The following HPRT1 variants were observed in gnomAD, a reference collection of about 807,000 sequenced individuals.
HPRT1 encodes the protein hypoxanthine-guanine phosphoribosyltransferase.
In HPRT1, 4 loss-of-function variants were observed where a neutral mutation model predicts 19.0. That is an observed-to-expected ratio of 0.21 (90% confidence interval 0.10 to 0.48). The LOEUF is 0.48. HPRT1 is among the 20% of genes least tolerant of loss of function. The pLI is 0.98. For missense variants in HPRT1, 65 were observed against 164.0 expected (o/e 0.40, Z 3.30); for synonymous variants, 53 against 54.9 (o/e 0.97, Z 0.15).
chrX:134,466,430 A>G (rs1392164251), intron 1 of HPRT1, among the ~76,000 whole-genome samples: 2 of 108,367 alleles, frequency 1.8e-5, no homozygotes, highest in Non-Finnish European at 3.8e-5. Flanking sequence ...AAAAGAAAAA[A>G]AAAAAAAAAG....
Position 134,497,817 on chromosome X carries a change from G to T in HPRT1, c.486-573G>T, listed in dbSNP as rs751404537. Among the ~76,000 whole-genome samples the T allele has an allele frequency of 7.4e-5, 8 of 107,395 alleles. No homozygotes were observed. The South Asian group carries it at 2.5e-3, about 33-fold the overall frequency. 93.3% of individuals were successfully genotyped at this position (107,395 alleles called of 115,157 possible). A position where few individuals can be genotyped will look rare whatever the true frequency, so the allele number is the denominator to read the frequency against. On this transcript the variant is annotated intron_variant, in intron 6 of 8. Transcript: ENST00000298556. ...AAAAAATTAGCCGGGAGTGCTGGCG[G>T]GTGCCTGTAGTCCCAGCTACTCAGG...
chrX:134,465,018 T>G (rs1353243408), intron 1 of HPRT1, among the ~76,000 whole-genome samples: 1 of 109,675 alleles, frequency 9.1e-6, no homozygotes, highest in Non-Finnish European at 1.9e-5. Flanking sequence ...CCTCCTGGGT[T>G]CTAGCAATTC....
intron 1 of HPRT1, among the ~76,000 whole-genome samples, chrX:134,463,815 A>C (rs1163687277): frequency 4.5e-5 from 5 of 111,480 alleles, no homozygotes; most frequent in Non-Finnish European, 7.5e-5. Flanking sequence ...GACTTGATAA[A>C]ATTTATGTGT....
chrX:134,497,494 C>T (rs1272609723), intron 6 of HPRT1, among the ~76,000 whole-genome samples: 2 of 109,487 alleles, frequency 1.8e-5, no homozygotes, highest in Non-Finnish European at 1.9e-5. Context: ...ATTAGCCGGG[C>T]GTGGTGGCAC....
chrX:134,477,609 G>A (rs937651973), intron 3 of HPRT1, among the ~76,000 whole-genome samples: 1 of 110,075 alleles, frequency 9.1e-6, no homozygotes, highest in Non-Finnish European at 1.9e-5. Context: ...CCAGGGGTTC[G>A]AGACCAGCCT....
chrX:134,491,935 A>G (rs2077667630), intron 5 of HPRT1, among the ~76,000 whole-genome samples: 2 of 100,549 alleles, frequency 2.0e-5, no homozygotes, highest in African/African-American at 3.6e-5. Flanking sequence ...GTATGTATAT[A>G]TGTGTGTGTG....
At chrX:134,496,162 A>G (rs746914429) in intron 6 of HPRT1, among the ~76,000 whole-genome samples, 13 of 111,920 alleles carry the variant, frequency 1.2e-4, no homozygotes, top group Non-Finnish European at 3.8e-5. Flanking sequence ...TTGCCCGACT[A>G]TTTAACAAGG....
intron 1 of HPRT1, 141 bp downstream of exon 1, chrX:134,460,479 G>C (rs1011460283): frequency 7.4e-5 from 31 of 418,885 alleles, no homozygotes; most frequent in Non-Finnish European, 1.0e-4. Flanking sequence ...CCAGTTTCCC[G>C]GGTTCGGCTT....
At chrX:134,471,846 C>T (rs2077611214) in intron 1 of HPRT1, among the ~76,000 whole-genome samples, 1 of 111,408 alleles carries the variant, frequency 9.0e-6, no homozygotes, top group African/African-American at 3.3e-5. Context: ...ACCATGTTGG[C>T]CAGGCTGGTC....
chrX:134,480,790 A>AAT (rs1479862903), intron 3 of HPRT1, among the ~76,000 whole-genome samples: 9 of 94,098 alleles, frequency 9.6e-5, no homozygotes, highest in Admixed American at 8.0e-4. Flanking sequence ...CACACACACA[A>AAT]ACACATATGT....
intron 2 of HPRT1, among the ~76,000 whole-genome samples, chrX:134,473,811 T>C (rs2077616610): frequency 8.9e-6 from 1 of 112,182 alleles, no homozygotes; most frequent in South Asian, 3.7e-4. Flanking sequence ...ATTATGCACA[T>C]CTAGCTTGAA....
In HPRT1 at chrX:134,461,508, G is replaced by T. The variant is rs191111240; in HGVS notation, c.27+1170G>T. Among the ~76,000 whole-genome samples, 5 of 112,315 alleles carry T rather than the reference G, an allele frequency of 4.5e-5. No homozygotes were observed. In the East Asian group the frequency reaches 1.4e-3, roughly 31 times the overall value. ...GTTTGGGCTATTTACTAGTTGTGTG[G>T]CTGTGGGCAACTTACTTCACCTCTC... On this transcript the variant is annotated intron_variant, in intron 1 of 8. Transcript: ENST00000298556.
At chrX:134,480,267 C>CA (rs1373867789) in intron 3 of HPRT1, among the ~76,000 whole-genome samples, 1 of 111,086 alleles carries the variant, frequency 9.0e-6, no homozygotes, top group Non-Finnish European at 1.9e-5. Context: ...CTGCAGAACT[C>CA]AGAGTCACTC....
intron 1 of HPRT1, among the ~76,000 whole-genome samples, chrX:134,466,428 A>G (rs1402602742): frequency 3.7e-5 from 4 of 108,166 alleles, no homozygotes; most frequent in African/African-American, 1.0e-4. Context: ...AAAAAAGAAA[A>G]AAAAAAAAAA....
intron 5 of HPRT1, among the ~76,000 whole-genome samples, chrX:134,492,715 C>T (rs112945852): frequency 1.1e-3 from 123 of 112,210 alleles, no homozygotes; most frequent in African/African-American, 3.8e-3. Flanking sequence ...GCGGCTATCC[C>T]GTTATTTTCA....
At chrX:134,499,672 C>T (rs1470937227) in intron 8 of HPRT1, among the ~76,000 whole-genome samples, 17 of 105,441 alleles carry the variant, frequency 1.6e-4, no homozygotes, top group African/African-American at 5.6e-4. Flanking sequence ...GGGGTGGTGG[C>T]GGGCGCCTAT....
At chrX:134,483,851 G>A (rs896022800) in intron 3 of HPRT1, among the ~76,000 whole-genome samples, 2 of 111,781 alleles carry the variant, frequency 1.8e-5, no homozygotes, top group African/African-American at 6.5e-5. Flanking sequence ...TTCCATGGTG[G>A]CTATAGGCCA....
intron 1 of HPRT1, among the ~76,000 whole-genome samples, chrX:134,470,601 A>G (rs767020555): frequency 1.9e-4 from 21 of 111,788 alleles, no homozygotes; most frequent in Non-Finnish European, 3.2e-4. Flanking sequence ...AGCTTAAATC[A>G]TCAGCTTCTT....
At chrX:134,475,540 C>T (rs1249605663) in intron 3 of HPRT1, among the ~76,000 whole-genome samples, 176 bp downstream of exon 3, 1 of 111,400 alleles carries the variant, frequency 9.0e-6, no homozygotes, top group African/African-American at 3.3e-5. Flanking sequence ...AACTAGTCAC[C>T]TTGGAGGATA....
Sources: gnomAD v4.1 joint callset for allele counts (sites outside exome capture counted in the v4.1 genomes callset) on GRCh38, gnomAD v4.1.1 for gene constraint, MANE v1.5 for transcripts, NCBI Gene and HGNC (gene_info 2026-07-23, HGNC 2026-07-21) for gene names.